The following PARD3B variants were observed in gnomAD, a reference collection of about 807,000 sequenced individuals.
PARD3B encodes partitioning defective 3 homolog B.
PARD3B carries 103 observed loss-of-function variants against 130.2 expected under a neutral mutation model. The ratio of observed to expected loss-of-function variants is 0.79; its 90% CI spans 0.67 to 0.93. The LOEUF (loss-of-function observed/expected upper bound fraction) is 0.93. PARD3B is among the 40% of genes least tolerant of loss of function. PARD3B has a pLI of 0.00. For synonymous variants in PARD3B, 583 were observed against 553.2 expected (o/e 1.05, Z -0.76); for missense variants, 1,609 against 1,499.2 (o/e 1.07, Z -1.21).
chr2:204,756,047 T>G (rs1268342569), intron 2 of PARD3B, among the ~76,000 whole-genome samples: 3 of 152,096 alleles, frequency 2.0e-5, no homozygotes, highest in Non-Finnish European at 4.4e-5. Context: ...ATAGTATACG[T>G]CCTGGTGGTG....
chr2:204,647,193 T>A, intron 1 of PARD3B, among the ~76,000 whole-genome samples: 1 of 151,960 alleles, frequency 6.6e-6, no homozygotes. Context: ...TAGCATTTTC[T>A]GGATAACCAA....
At chr2:204,733,619 C>T (rs2039619179) in intron 2 of PARD3B, among the ~76,000 whole-genome samples, 1 of 151,568 alleles carries the variant, frequency 6.6e-6, no homozygotes, top group Non-Finnish European at 1.5e-5. Context: ...ATGAAGAGAA[C>T]TTACAGTACT....
intron 15 of PARD3B, among the ~76,000 whole-genome samples, chr2:205,193,669 C>T (rs2036516697): frequency 6.6e-6 from 1 of 152,318 alleles, no homozygotes; most frequent in African/African-American, 2.4e-5. Flanking sequence ...CAGGGCATTT[C>T]CACTCTGTGC....
chr2:205,376,020 T>C (rs2045034119), intron 18 of PARD3B, among the ~76,000 whole-genome samples: 1 of 152,104 alleles, frequency 6.6e-6, no homozygotes, highest in African/African-American at 2.4e-5. Context: ...GCAAGAAAAG[T>C]TTAAGAAAGT....
At chr2:205,557,448 C>T (rs137867365) in intron 22 of PARD3B, among the ~76,000 whole-genome samples, 16 of 152,200 alleles carry the variant, frequency 1.1e-4, no homozygotes, top group Non-Finnish European at 2.2e-4. Flanking sequence ...AGCCCCTCAA[C>T]TTCTGCTCCT....
At position 205,591,207 on chromosome 2, in the gene PARD3B, TAG is replaced by T. The variant is rs371966289; in HGVS notation, c.3261-24242_3261-24241del. 6.6e-6 allele frequency among the ~76,000 whole-genome samples: 1 copy of T among 152,152 alleles called. No individual in the cohort carries two copies. Among genetic ancestry groups the T allele is most frequent in the Non-Finnish European group, 1.5e-5 (1 of 68,038 alleles). On this transcript the variant is annotated intron_variant, in intron 22 of 22. Coordinates refer to ENST00000406610, the MANE Select transcript of PARD3B (RefSeq NM_001302769.2). This position sits in a 1 kb window ranked among gnomAD's most constrained non-coding sequence, Gnocchi z 4.2. ...AACTAGGACAAGACAAAAAACTGTT[TAG>T]AGAGAGTGTACATTTTAGTGTATTT...
rs112054448 is a variant in PARD3B, at chr2:205,198,280, C to T, written c.2140+4960C>T. Among the ~76,000 whole-genome samples the T allele has an allele frequency of 8.0e-3, 1,225 of 152,262 alleles. 17 individuals carry two copies. Among genetic ancestry groups the T allele is most frequent in the African/African-American group, 0.014 (575 of 41,560 alleles). On this transcript the variant is annotated intron_variant, in intron 15 of 22. Transcript: ENST00000406610. ...GCAAATGGAAGATGCTGGCCAGCTG[C>T]CCTGTTCAGTAAGAGGAAATGAGCT...
At chr2:205,580,457 A>G (rs969631992) in intron 22 of PARD3B, among the ~76,000 whole-genome samples, 2 of 152,288 alleles carry the variant, frequency 1.3e-5, no homozygotes, top group South Asian at 2.1e-4. Context: ...ACAGGAGGGC[A>G]TGTTGATATT....
At chr2:205,094,338 G>C (rs1452469678) in intron 4 of PARD3B, among the ~76,000 whole-genome samples, 1 of 152,122 alleles carries the variant, frequency 6.6e-6, no homozygotes, top group African/African-American at 2.4e-5. Flanking sequence ...AGGAAGGTTT[G>C]AGTCTGGGTG....
At chr2:204,547,090 C>G (rs965388641) in intron 1 of PARD3B, among the ~76,000 whole-genome samples, 11 of 152,284 alleles carry the variant, frequency 7.2e-5, no homozygotes, top group Admixed American at 7.2e-4. Flanking sequence ...AATATTTGGT[C>G]TCGTGCCATG....
At chr2:205,593,123 A>G (rs911274537) in intron 22 of PARD3B, among the ~76,000 whole-genome samples, 1 of 152,256 alleles carries the variant, frequency 6.6e-6, no homozygotes, top group Non-Finnish European at 1.5e-5. Context: ...TACAGAGGAA[A>G]GAGGAGAGCA....
intron 3 of PARD3B, among the ~76,000 whole-genome samples, chr2:205,025,619 G>A (rs186290297): frequency 1.3e-5 from 2 of 152,028 alleles, no homozygotes; most frequent in African/African-American, 2.4e-5. Context: ...GCTCTCACTT[G>A]AGAATCAGCA....
At chr2:205,139,527 A>G (rs2032770911) in intron 10 of PARD3B, among the ~76,000 whole-genome samples, 1 of 152,224 alleles carries the variant, frequency 6.6e-6, no homozygotes, top group African/African-American at 2.4e-5. Context: ...TTGCAAATAA[A>G]TTATATAAAT....
At chr2:205,039,232 G>A (rs530188007) in intron 3 of PARD3B, among the ~76,000 whole-genome samples, 1 of 152,198 alleles carries the variant, frequency 6.6e-6, no homozygotes, top group East Asian at 1.9e-4. Flanking sequence ...ATTTTATTGA[G>A]TATTGATGGG....
At chr2:205,444,493 A>C (rs1172176095) in intron 20 of PARD3B, among the ~76,000 whole-genome samples, 1 of 152,194 alleles carries the variant, frequency 6.6e-6, no homozygotes, top group Non-Finnish European at 1.5e-5. Context: ...TGCCTGAATA[A>C]GGGTATTTTT....
At chr2:205,599,546 G>T (rs2054701392) in intron 22 of PARD3B, among the ~76,000 whole-genome samples, 1 of 152,194 alleles carries the variant, frequency 6.6e-6, no homozygotes, top group African/African-American at 2.4e-5. Context: ...TCCCCAGTTT[G>T]CTGTCTGGGG....
chr2:205,284,993 G>GTT (rs5837964), intron 16 of PARD3B, among the ~76,000 whole-genome samples: 4,013 of 143,724 alleles, frequency 0.028, 102 homozygotes, highest in Admixed American at 0.071. Flanking sequence ...GCACAAAACA[G>GTT]TTTTTTTTTT....
chr2:205,487,042 C>A (rs566763931), intron 20 of PARD3B, among the ~76,000 whole-genome samples: 1 of 152,286 alleles, frequency 6.6e-6, no homozygotes, highest in Non-Finnish European at 1.5e-5. Context: ...GTGTTTATTA[C>A]ATAGCACGAT....
chr2:204,618,883 A>G (rs1263273709), intron 1 of PARD3B, among the ~76,000 whole-genome samples: 1 of 151,792 alleles, frequency 6.6e-6, no homozygotes, highest in Admixed American at 6.6e-5. Context: ...TTCCTTCTTT[A>G]TTTTCCTTAT....
Sources: allele counts gnomAD v4.1 joint callset (sites outside exome capture counted in the v4.1 genomes callset), GRCh38; gene constraint gnomAD v4.1.1; non-coding constraint Gnocchi (gnomAD v3.1); transcripts MANE v1.5; gene names NCBI Gene and HGNC (gene_info 2026-07-23, HGNC 2026-07-21).